ARHGEF3: variants seen among roughly 807,000 people sequenced by gnomAD.
ARHGEF3 encodes 59.8 kDA protein.
A neutral mutation model predicts 63.2 loss-of-function variants in ARHGEF3; 28 were observed. The ratio of observed to expected loss-of-function variants is 0.44; its 90% CI spans 0.33 to 0.61. The LOEUF is 0.61. Ranked by LOEUF, ARHGEF3 falls within the 20% of genes least tolerant of loss-of-function variation. The probability of loss-of-function intolerance (pLI) is 0.03; values close to 1 mark genes in which losing one functional copy is unlikely to be tolerated. For synonymous variants in ARHGEF3, 266 were observed against 254.2 expected, an observed-to-expected ratio of 1.05 and a Z score of -0.44; for missense variants, 533 against 659.3, an observed-to-expected ratio of 0.81 and a Z score of 2.10.
intron 2 of ARHGEF3, among the ~76,000 whole-genome samples, chr3:56,755,579 A>T (rs2035022352): frequency 6.6e-6 from 1 of 152,210 alleles, no homozygotes; most frequent in African/African-American, 2.4e-5. Flanking sequence ...TATAAATAGA[A>T]TCCCACTAAC....
chr3:56,778,413 C>G (rs2036386803), intron 1 of ARHGEF3, among the ~76,000 whole-genome samples: 1 of 152,232 alleles, frequency 6.6e-6, no homozygotes, highest in Admixed American at 6.5e-5. Flanking sequence ...GGCTACCCAG[C>G]CTCTGTCATG....
rs191664410 is a variant in ARHGEF3, at chr3:56,815,099, G to A, written c.193-41283C>T. 3.0e-4 allele frequency among the ~76,000 whole-genome samples: 45 copies of A among 151,562 alleles called. No homozygotes were observed. The East Asian group carries it at 5.8e-3, about 20-fold the overall frequency. On this transcript the variant is annotated intron_variant, in intron 4 of 12. Coordinates refer to the ARHGEF3 transcript ENST00000338458. Reference sequence around the variant, plus strand: ...TTTGAGGCTGCAGTGAGCTATGATCGTGCCACTGCATTCCAGCTTGGGCAA... The same window carrying A: ...TTTGAGGCTGCAGTGAGCTATGATCATGCCACTGCATTCCAGCTTGGGCAA...
intron 2 of ARHGEF3, among the ~76,000 whole-genome samples, chr3:56,760,722 C>G (rs1165277352): frequency 6.6e-6 from 1 of 151,756 alleles, no homozygotes; most frequent in Non-Finnish European, 1.5e-5. Flanking sequence ...ACTGCATCTA[C>G]TGTTTACATG....
intron 4 of ARHGEF3, 81 bp downstream of exon 4, chr3:56,753,423 C>T (rs3821412): frequency 0.59 from 724,350 of 1,233,228 alleles, 221,435 homozygotes; most frequent in East Asian, 0.92. Context: ...ACAGTTCTCA[C>T]GAAGCACCAC....
chr3:56,929,494 A>G (rs183974773), intron 3 of ARHGEF3, among the ~76,000 whole-genome samples: 217 of 152,276 alleles, frequency 1.4e-3, no homozygotes, highest in Admixed American at 2.5e-3. Flanking sequence ...GGGGATCTCA[A>G]TGAAATGCAG....
chr3:56,815,713 GC>G (rs1314540015), intron 4 of ARHGEF3, among the ~76,000 whole-genome samples: 1 of 152,182 alleles, frequency 6.6e-6, no homozygotes, highest in African/African-American at 2.4e-5. Context: ...GTTACATAGT[GC>G]CTGTGTTATC....
intron 3 of ARHGEF3, among the ~76,000 whole-genome samples, chr3:56,917,418 C>T (rs147835637): frequency 1.6e-4 from 25 of 152,240 alleles, no homozygotes; most frequent in Admixed American, 1.5e-3. Flanking sequence ...CTTACAAATG[C>T]ACGGATTTTT....
chr3:57,062,659 T>A (rs1705292894), intron 1 of ARHGEF3, among the ~76,000 whole-genome samples: 1 of 152,158 alleles, frequency 6.6e-6, no homozygotes, highest in Admixed American at 6.5e-5. Context: ...CAGGAATATC[T>A]GGTGGGAATG....
intron 4 of ARHGEF3, among the ~76,000 whole-genome samples, chr3:56,878,847 C>T (rs77075002): frequency 0.034 from 5,218 of 152,258 alleles, 253 homozygotes; most frequent in African/African-American, 0.11. Flanking sequence ...GGTGAGTGGC[C>T]GGCAGGCAAG....
intron 3 of ARHGEF3, chr3:56,940,816 G>C (rs1264271685): frequency 6.6e-6 from 1 of 152,082 alleles, no homozygotes; most frequent in African/African-American, 2.4e-5. Context: ...GACATTCTTC[G>C]GGTCACTTTA....
At chr3:56,964,752 C>T (rs1315098633) in intron 2 of ARHGEF3, among the ~76,000 whole-genome samples, 1 of 151,882 alleles carries the variant, frequency 6.6e-6, no homozygotes, top group Non-Finnish European at 1.5e-5. Context: ...GAAAGACCTC[C>T]CAGAGAAAAT....
intron 4 of ARHGEF3, among the ~76,000 whole-genome samples, chr3:56,848,180 T>TA (rs927029823): frequency 5.3e-5 from 8 of 151,960 alleles, no homozygotes; most frequent in Non-Finnish European, 1.0e-4. Flanking sequence ...GAATTTGCTT[T>TA]AAAAAAAAGT....
intron 1 of ARHGEF3, chr3:56,774,926 CA>C (rs562504829): frequency 1.2e-3 from 1,162 of 992,480 alleles, no homozygotes; most frequent in South Asian, 2.2e-3. Context: ...ACAACAACAA[CA>C]AAAAAAAAAC....
intron 4 of ARHGEF3, among the ~76,000 whole-genome samples, chr3:56,843,884 A>G (rs1472756736): frequency 6.6e-6 from 1 of 152,200 alleles, no homozygotes; most frequent in Non-Finnish European, 1.5e-5. Context: ...AGGGATTGGC[A>G]TTAGTTCTGT....
rs1440209872 is a variant in ARHGEF3, at chr3:56,956,865, AG to A, written c.129+1957del. Among the ~76,000 whole-genome samples, 95 of 152,378 alleles carry A rather than the reference AG, an allele frequency of 6.2e-4. No individual in the cohort carries two copies. The Middle Eastern group carries it at 0.027, about 44-fold the overall frequency. The stretch of plus-strand genomic sequence containing the variant: ...TAGTTCAAAATTGACTGTTAATGTC[AG>A]CTATTCCAAAGTGCATACAATCTAC... On this transcript the variant is annotated intron_variant, in intron 3 of 12. Coordinates refer to the ARHGEF3 transcript ENST00000338458.
chr3:56,922,278 T>C (rs930305249), intron 3 of ARHGEF3, among the ~76,000 whole-genome samples: 2 of 152,120 alleles, frequency 1.3e-5, no homozygotes, highest in African/African-American at 4.8e-5. Flanking sequence ...TTCAAGAAAC[T>C]GTCAAGTCTC....
chr3:57,039,391 C>G (rs377187203), intron 1 of ARHGEF3, among the ~76,000 whole-genome samples: 1 of 152,136 alleles, frequency 6.6e-6, no homozygotes, highest in African/African-American at 2.4e-5. Flanking sequence ...CTTGGAAGAC[C>G]GTGACAATGT....
At chr3:56,901,543 G>T (rs1404340414) in intron 3 of ARHGEF3, among the ~76,000 whole-genome samples, 19 of 151,376 alleles carry the variant, frequency 1.3e-4, no homozygotes, top group Admixed American at 1.2e-3. Context: ...CATTGCTCCT[G>T]GGGGGAATAC....
chr3:57,067,928 T>C (rs1476112849), intron 1 of ARHGEF3, among the ~76,000 whole-genome samples: 1 of 151,836 alleles, frequency 6.6e-6, no homozygotes, highest in Non-Finnish European at 1.5e-5. Context: ...AGGCAGAGCT[T>C]GCAGTGAGCC....
Sources: allele counts gnomAD v4.1 joint callset (sites outside exome capture counted in the v4.1 genomes callset), GRCh38; gene constraint gnomAD v4.1.1; transcripts MANE v1.5; gene names NCBI Gene and HGNC (gene_info 2026-07-23, HGNC 2026-07-21).